FMN2: variants seen among roughly 807,000 people sequenced by gnomAD.
FMN2 encodes the protein formin-2.
A neutral mutation model predicts 142.3 loss-of-function variants in FMN2; 51 were observed. The observed-to-expected ratio is 0.36, with a 90% CI of 0.29 to 0.45. FMN2 has a LOEUF of 0.45. Ranked by LOEUF, FMN2 falls within the 20% of genes least tolerant of loss-of-function variation. The pLI is 1.00. For missense variants in FMN2, 1,936 were observed against 2,122.8 expected, an observed-to-expected ratio of 0.91 and a Z score of 1.73; for synonymous variants, 882 against 869.8, an observed-to-expected ratio of 1.01 and a Z score of -0.25.
intron 8 of FMN2, among the ~76,000 whole-genome samples, chr1:240,322,527 C>T (rs758395278): frequency 6.6e-5 from 10 of 152,170 alleles, no homozygotes; most frequent in Non-Finnish European, 1.0e-4. Flanking sequence ...TCCCTGTCCT[C>T]ACAGAACTTC....
chr1:240,434,718 C>T (rs948036351), intron 15 of FMN2, among the ~76,000 whole-genome samples: 1 of 138,064 alleles, frequency 7.2e-6, no homozygotes, highest in African/African-American at 2.6e-5. Context: ...CCCACAACCA[C>T]ACCCTGCTAA....
intron 3 of FMN2, among the ~76,000 whole-genome samples, chr1:240,181,247 A>T (rs1665137336): frequency 6.8e-6 from 1 of 146,110 alleles, no homozygotes; most frequent in African/African-American, 2.5e-5. Flanking sequence ...CAGGTGATCC[A>T]CTCCCCTCGG....
At chr1:240,285,930 T>C (rs1278570036) in intron 7 of FMN2, among the ~76,000 whole-genome samples, 1 of 152,106 alleles carries the variant, frequency 6.6e-6, no homozygotes, top group Non-Finnish European at 1.5e-5. Flanking sequence ...GTTTCTAACA[T>C]CCCTTGTAGA....
chr1:240,342,759 C>A (rs1671784082), intron 13 of FMN2, among the ~76,000 whole-genome samples: 1 of 152,166 alleles, frequency 6.6e-6, no homozygotes, highest in Middle Eastern at 3.4e-3. Context: ...AATCATTTAA[C>A]AAATGTTTAT....
At chr1:240,382,767 A>G (rs1033930951) in intron 14 of FMN2, among the ~76,000 whole-genome samples, 1 of 152,166 alleles carries the variant, frequency 6.6e-6, no homozygotes, top group Non-Finnish European at 1.5e-5. Context: ...AAACAATCCT[A>G]AAATTCATAT....
intron 16 of FMN2, among the ~76,000 whole-genome samples, chr1:240,453,218 A>G (rs1473937957): frequency 4.6e-5 from 7 of 152,188 alleles, no homozygotes; most frequent in African/African-American, 1.2e-4. Context: ...TTGAAAAGCA[A>G]TAAACTTACT....
chr1:240,390,582 TACTC>T (rs1673572771), intron 14 of FMN2, among the ~76,000 whole-genome samples: 1 of 152,246 alleles, frequency 6.6e-6, no homozygotes. Context: ...TTAGTTGACT[TACTC>T]AGTTAAACAT....
In FMN2 at chr1:240,393,083, A is replaced by C. The variant is rs140405631; in HGVS notation, c.4910+521A>C. On this transcript the variant is annotated intron_variant, in intron 15 of 17. Coordinates refer to ENST00000319653, the MANE Select transcript of FMN2 (RefSeq NM_020066.5). ...CGTCAGGGTTCTGTAGAAAAAAAGA[A>C]CAAACTGGCGATACAGATATAAACA... is the stretch of plus-strand genomic sequence containing the variant. Among the ~76,000 whole-genome samples the C allele has an allele frequency of 2.3e-3, 346 of 152,134 alleles. 1 individual carries two copies. The highest frequency in any genetic ancestry group is 3.0e-3 in the Non-Finnish European group (205 of 68,028).
chr1:240,260,115 A>T (rs146234541), intron 7 of FMN2, among the ~76,000 whole-genome samples: 14 of 152,246 alleles, frequency 9.2e-5, no homozygotes, highest in African/African-American at 3.4e-4. Context: ...TTATTTCATC[A>T]TATGGAATAT....
intron 2 of FMN2, among the ~76,000 whole-genome samples, chr1:240,156,196 G>C (rs972832875): frequency 5.3e-5 from 8 of 152,142 alleles, no homozygotes; most frequent in African/African-American, 1.9e-4. Flanking sequence ...GCCGAAGTGT[G>C]CTATGATTGC....
At chr1:240,373,506 T>C (rs1241892890) in intron 14 of FMN2, among the ~76,000 whole-genome samples, 1 of 152,224 alleles carries the variant, frequency 6.6e-6, no homozygotes, top group Non-Finnish European at 1.5e-5. Flanking sequence ...TTTGACTTTC[T>C]AAATCTTTTC....
At chr1:240,285,740 A>C (rs1022873714) in intron 7 of FMN2, among the ~76,000 whole-genome samples, 3 of 152,136 alleles carry the variant, frequency 2.0e-5, no homozygotes, top group Admixed American at 2.0e-4. Flanking sequence ...AGAAATGTGC[A>C]TTTGGATTTC....
At chr1:240,292,459 T>C (rs1179528112) in intron 7 of FMN2, among the ~76,000 whole-genome samples, 3 of 152,326 alleles carry the variant, frequency 2.0e-5, no homozygotes, top group African/African-American at 7.2e-5. Context: ...CCCACCCAAA[T>C]AGCTCCAACT....
intron 6 of FMN2, among the ~76,000 whole-genome samples, chr1:240,253,864 G>A (rs149088109): frequency 1.3e-4 from 20 of 152,038 alleles, no homozygotes; most frequent in African/African-American, 4.8e-4. Flanking sequence ...TCATCTGTAA[G>A]TGTCAGTAGT....
chr1:240,330,323 A>G (rs919626011), intron 10 of FMN2, among the ~76,000 whole-genome samples: 2 of 152,198 alleles, frequency 1.3e-5, no homozygotes, highest in African/African-American at 2.4e-5. Flanking sequence ...TAGCCTTAAT[A>G]GTTCTCACAC....
At chr1:240,227,005 A>G (rs145752631) in intron 6 of FMN2, among the ~76,000 whole-genome samples, 22 of 152,356 alleles carry the variant, frequency 1.4e-4, no homozygotes, top group Admixed American at 1.2e-3. Flanking sequence ...CAAGGCAATT[A>G]GGCAAGGGAA....
At chr1:240,204,483 G>T (rs1304206524) in intron 4 of FMN2, among the ~76,000 whole-genome samples, 1 of 152,184 alleles carries the variant, frequency 6.6e-6, no homozygotes, top group African/African-American at 2.4e-5. Flanking sequence ...ATGTGCGGTG[G>T]CTCACGCCTG....
chr1:240,389,092 T>A (rs1026632331), intron 14 of FMN2, among the ~76,000 whole-genome samples: 1 of 152,070 alleles, frequency 6.6e-6, no homozygotes, highest in Non-Finnish European at 1.5e-5. Context: ...CTCTAAAGAG[T>A]TGGGAAGTTA....
intron 7 of FMN2, among the ~76,000 whole-genome samples, chr1:240,287,717 G>A (rs562912936): frequency 4.6e-4 from 70 of 152,310 alleles, no homozygotes; most frequent in African/African-American, 1.0e-3. Context: ...GAAATGGGCC[G>A]TAATAATAAT....
Sources: allele counts gnomAD v4.1 joint callset (sites outside exome capture counted in the v4.1 genomes callset), GRCh38; gene constraint gnomAD v4.1.1; transcripts MANE v1.5; gene names NCBI Gene and HGNC (gene_info 2026-07-23, HGNC 2026-07-21).